Variants in NBL1 observed in about 807,000 individuals in gnomAD.
The protein encoded by NBL1 is neuroblastoma suppressor of tumorigenicity 1.
Under a neutral mutation model 16.0 loss-of-function variants are expected in NBL1, and 9 were observed. That is an observed-to-expected ratio of 0.56 (90% CI 0.34 to 0.98). NBL1 has a LOEUF of 0.98. Among genes scored for constraint, NBL1 ranks in the 50% least tolerant of loss-of-function variants. The probability of loss-of-function intolerance (pLI) is 0.02; values close to 1 mark genes in which losing one functional copy is unlikely to be tolerated. For missense variants in NBL1, 196 were observed against 243.1 expected, an observed-to-expected ratio of 0.81 and a Z score of 1.29; for synonymous variants, 86 against 100.7, an observed-to-expected ratio of 0.85 and a Z score of 0.87.
chr1:19,645,918 G>C (rs2094976743), intron 1 of NBL1: 1 of 1,549,780 alleles, frequency 6.5e-7, no homozygotes, highest in Non-Finnish European at 8.7e-7. Context: ...CAGGGTTGTT[G>C]GTGAGGTCTG....
intron 1 of NBL1, among the ~76,000 whole-genome samples, chr1:19,650,952 G>A (rs1286661642): frequency 6.6e-6 from 1 of 152,128 alleles, no homozygotes; most frequent in Non-Finnish European, 1.5e-5. Flanking sequence ...TGGCATCCTC[G>A]CTGCCTCCTG....
intron 1 of NBL1, among the ~76,000 whole-genome samples, chr1:19,646,764 G>A (rs914760319): frequency 2.0e-4 from 30 of 152,250 alleles, no homozygotes; most frequent in African/African-American, 7.2e-4. Context: ...CTTAGAGTCT[G>A]AGTGGGATCT....
intron 1 of NBL1, among the ~76,000 whole-genome samples, chr1:19,653,625 C>T (rs999412371): frequency 2.0e-5 from 3 of 152,244 alleles, no homozygotes; most frequent in African/African-American, 7.2e-5. Context: ...TGGCTCACTG[C>T]ACTCATTTTA....
chr1:19,657,034 C>G lies in NBL1; in HGVS notation c.451C>G (p.His151Asp). 1.3e-6 allele frequency: 2 copies of G among 1,556,718 alleles called. No individual in the cohort carries two copies. The part of the protein sequence containing the change: ...GPGSQPGTHP[H>D]PHPHPHPGGQ... The stretch of plus-strand genomic sequence containing the variant: ...GGGATCCCAGCCCGGCACCCACCCT[C>G]ACCCCCATCCCCACCCCCATCCTGG... The change falls in exon 4 of 4, where the codon CAC (histidine) becomes GAC (aspartate). Residue 151 changes from histidine (H) to aspartate (D), a missense_variant. Coordinates refer to ENST00000375136, the MANE Select transcript of NBL1 (RefSeq NM_005380.8).
intron 1 of NBL1, among the ~76,000 whole-genome samples, chr1:19,647,070 A>G (rs7535952): frequency 0.39 from 59,509 of 152,038 alleles, 14,462 homozygotes; most frequent in African/African-American, 0.7. Flanking sequence ...CTCTCCAGAG[A>G]TTTCCATGTA....
intron 1 of NBL1, among the ~76,000 whole-genome samples, chr1:19,647,278 T>C (rs1311238318): frequency 6.6e-6 from 1 of 151,934 alleles, no homozygotes; most frequent in Non-Finnish European, 1.5e-5. Flanking sequence ...ACAAAAAAAT[T>C]AGCTGGGCAT....
chr1:19,649,054 G>C (rs1168622739), intron 1 of NBL1, among the ~76,000 whole-genome samples: 2 of 152,140 alleles, frequency 1.3e-5, no homozygotes, highest in African/African-American at 2.4e-5. Context: ...GGGAGCTCCA[G>C]GCCTCATCCT....
intron 1 of NBL1, among the ~76,000 whole-genome samples, chr1:19,651,757 C>T (rs886667289): frequency 2.0e-5 from 3 of 151,868 alleles, no homozygotes; most frequent in South Asian, 2.1e-4. Context: ...AGTGCAGGGA[C>T]GCAATCATGG....
In NBL1 at chr1:19,654,923, G is replaced by T. The variant is rs192983491; in HGVS notation, c.-19-89G>T. 1.6e-4 allele frequency: 235 copies of T among 1,441,646 alleles called. 1 individual carries two copies. In the East Asian group the frequency reaches 4.1e-3, roughly 25 times the overall value. The allele number at this position is 1,441,646 out of a possible 1,614,324, so 89.3% of individuals were successfully genotyped here. On this transcript the variant is annotated intron_variant, in intron 1 of 3. Coordinates refer to ENST00000375136, the MANE Select transcript of NBL1 (RefSeq NM_005380.8). ...GTGGGAGAGCTGGGGTTGCGCCAAG[G>T]AGTCGGATGCCAGAGTCCATGCTGT...
intron 1 of NBL1, chr1:19,645,995 T>C (rs1191093303): frequency 2.8e-5 from 44 of 1,550,330 alleles, no homozygotes; most frequent in Non-Finnish European, 3.7e-5. Context: ...TGGATTTGTT[T>C]TGGAGACTGT....
upstream of NBL1, chr1:19,643,263 G>T (rs372301662): frequency 1.3e-6 from 2 of 1,581,966 alleles, no homozygotes; most frequent in Non-Finnish European, 1.7e-6. The surrounding 1 kb of genome is among the most constrained non-coding windows in gnomAD (Gnocchi z 4.7). Flanking sequence ...GTGCGAGTAG[G>T]CTGGAGTACA....
intron 1 of NBL1, among the ~76,000 whole-genome samples, chr1:19,647,882 T>C (rs190360783): frequency 0.094 from 12,949 of 137,156 alleles, 825 homozygotes; most frequent in African/African-American, 0.19. Flanking sequence ...TGTGTGTGTG[T>C]GCGTGTGCGC....
intron 1 of NBL1, among the ~76,000 whole-genome samples, chr1:19,647,880 T>TGCGC (rs1558360939): frequency 2.1e-5 from 3 of 144,240 alleles, no homozygotes; most frequent in African/African-American, 8.2e-5. Flanking sequence ...TGTGTGTGTG[T>TGCGC]GTGCGTGTGC....
chr1:19,647,866 C>T (rs11589390), intron 1 of NBL1, among the ~76,000 whole-genome samples: 7,598 of 97,774 alleles, frequency 0.078, 437 homozygotes, highest in African/African-American at 0.24. Flanking sequence ...TGTGTGTGTG[C>T]GTGTGTGTGT....
At chr1:19,644,290 G>T, upstream of NBL1, 3 of 979,462 alleles carry the variant, frequency 3.1e-6, no homozygotes, top group Non-Finnish European at 3.6e-6. The surrounding 1 kb of genome is among the most constrained non-coding windows in gnomAD (Gnocchi z 4.6). Flanking sequence ...GCTCCCCCGC[G>T]CCGCGCGCCC....
intron 1 of NBL1, among the ~76,000 whole-genome samples, chr1:19,652,416 G>T (rs184598127): frequency 6.6e-6 from 1 of 152,150 alleles, no homozygotes; most frequent in Non-Finnish European, 1.5e-5. Flanking sequence ...CCGGAAATGC[G>T]TGGGTGAGGG....
chr1:19,647,858 T>TGG (rs932113711), intron 1 of NBL1, among the ~76,000 whole-genome samples: 1 of 137,862 alleles, frequency 7.3e-6, no homozygotes, highest in African/African-American at 3.1e-5. Flanking sequence ...CTGGTGTGTG[T>TGG]GTGTGTGCGT....
Position 19,644,499 on chromosome 1 carries a change from C to G in NBL1, c.-20+53C>G. The G allele has an allele frequency of 2.1e-6, 2 of 950,236 alleles. No homozygotes were observed. The highest frequency in any genetic ancestry group is 2.5e-6 in the Non-Finnish European group (2 of 800,666). 58.9% of individuals were successfully genotyped at this position (950,236 alleles called of 1,614,324 possible). On this transcript the variant is annotated intron_variant, in intron 1 of 3. Coordinates refer to ENST00000375136, the MANE Select transcript of NBL1 (RefSeq NM_005380.8). The surrounding 1 kb of genome is among the most constrained non-coding windows in gnomAD (Gnocchi z 4.6). ...GCGCCCGGCTTCCAGAGGCTTCGGCCGCGGGGGCAGTGCCGCGCCCCCAGC... is the reference window on the plus strand; with the variant it reads ...GCGCCCGGCTTCCAGAGGCTTCGGCGGCGGGGGCAGTGCCGCGCCCCCAGC...
intron 3 of NBL1, among the ~76,000 whole-genome samples, chr1:19,656,356 C>T (rs2095056223): frequency 7.6e-6 from 1 of 132,104 alleles, no homozygotes; most frequent in East Asian, 2.2e-4. Context: ...AGTCTGAGCT[C>T]AGACCCAAAG....
Sources: gnomAD v4.1 joint callset for allele counts (sites outside exome capture counted in the v4.1 genomes callset) on GRCh38, gnomAD v4.1.1 for gene constraint, Gnocchi (gnomAD v3.1) non-coding constraint, MANE v1.5 for transcripts, NCBI Gene and HGNC (gene_info 2026-07-23, HGNC 2026-07-21) for gene names.